TSPAN18: variants seen among roughly 807,000 people sequenced by gnomAD.
TSPAN18 encodes tetraspanin-18.
In TSPAN18, 14 loss-of-function variants were observed where a neutral mutation model predicts 27.3. The ratio of observed to expected loss-of-function variants is 0.51; its 90% CI spans 0.34 to 0.80. The LOEUF (loss-of-function observed/expected upper bound fraction) is 0.80, where lower values mean the gene tolerates loss of function less well. TSPAN18 is among the 30% of genes least tolerant of loss of function. The probability of loss-of-function intolerance (pLI) is 0.01; values close to 1 mark genes in which losing one functional copy is unlikely to be tolerated. For missense variants in TSPAN18, 268 were observed against 323.9 expected (o/e 0.83, Z 1.32); for synonymous variants, 143 against 136.5 (o/e 1.05, Z -0.33).
At chr11:44,753,772 T>C (rs1185177930) in intron 1 of TSPAN18, among the ~76,000 whole-genome samples, 1 of 152,214 alleles carries the variant, frequency 6.6e-6, no homozygotes, top group African/African-American at 2.4e-5. Flanking sequence ...GGATGAGCTG[T>C]GCTGTTAGGG....
At chr11:44,831,344 A>G (rs975535324) in intron 2 of TSPAN18, among the ~76,000 whole-genome samples, 1 of 152,204 alleles carries the variant, frequency 6.6e-6, no homozygotes. Flanking sequence ...GCTCGGAGCT[A>G]CAGAGTCAGA....
At chr11:44,741,733 C>T (rs940820946) in intron 1 of TSPAN18, among the ~76,000 whole-genome samples, 2 of 152,146 alleles carry the variant, frequency 1.3e-5, no homozygotes, top group Non-Finnish European at 2.9e-5. Context: ...GGGTCGGTCC[C>T]TACCAGCCAC....
chr11:44,894,599 A>G (rs1296133955), intron 3 of TSPAN18, among the ~76,000 whole-genome samples: 1 of 152,160 alleles, frequency 6.6e-6, no homozygotes, highest in Non-Finnish European at 1.5e-5. Flanking sequence ...GAGGGGCGAG[A>G]TTAATAAAGC....
intron 2 of TSPAN18, among the ~76,000 whole-genome samples, chr11:44,814,111 G>T (rs1856774091): frequency 6.6e-6 from 1 of 152,184 alleles, no homozygotes; most frequent in African/African-American, 2.4e-5. Context: ...CTCATTGTTT[G>T]TGGCATCTCT....
chr11:44,757,462 C>A (rs558999939), intron 1 of TSPAN18, among the ~76,000 whole-genome samples: 1 of 152,118 alleles, frequency 6.6e-6, no homozygotes, highest in South Asian at 2.1e-4. Flanking sequence ...TGGCTCACTG[C>A]AGCCTCTTTC....
chr11:44,877,094 G>C (rs1016576779), intron 3 of TSPAN18, among the ~76,000 whole-genome samples: 1 of 152,226 alleles, frequency 6.6e-6, no homozygotes. Flanking sequence ...CTGTGGGAAG[G>C]GCCATGCACT....
intron 2 of TSPAN18, among the ~76,000 whole-genome samples, chr11:44,816,300 A>T (rs1044636895): frequency 6.6e-6 from 1 of 152,240 alleles, no homozygotes; most frequent in Non-Finnish European, 1.5e-5. Flanking sequence ...CATGTGTGCC[A>T]CACATTTGCC....
chr11:44,791,454 C>T (rs757285198), intron 2 of TSPAN18, among the ~76,000 whole-genome samples: 4 of 152,202 alleles, frequency 2.6e-5, no homozygotes, highest in Non-Finnish European at 4.4e-5. Context: ...ATCTGTCCCC[C>T]GACATGTGAA....
At position 44,919,316 on chromosome 11, in the gene TSPAN18, A is replaced by C; in HGVS notation, c.432+4A>C. 1 of 1,612,302 alleles carries C rather than the reference A, an allele frequency of 6.2e-7. No individual in the cohort carries two copies. Among genetic ancestry groups the C allele is most frequent in the Non-Finnish European group, 8.5e-7 (1 of 1,178,454 alleles). On this transcript the variant is annotated splice_donor_region_variant and intron_variant, in intron 7 of 9. Transcript: ENST00000520358. ...CTGGAACTCGGTCATGATCACAGTG[A>C]GTGACGCCCCAGAGATGCTATGAAC...
chr11:44,910,929 T>C (rs1414896057), intron 5 of TSPAN18, among the ~76,000 whole-genome samples: 1 of 152,194 alleles, frequency 6.6e-6, no homozygotes, highest in Non-Finnish European at 1.5e-5. Context: ...CATGTCTTCT[T>C]GTTAAACGAG....
At chr11:44,756,807 T>C (rs1941433896) in intron 1 of TSPAN18, among the ~76,000 whole-genome samples, 1 of 152,066 alleles carries the variant, frequency 6.6e-6, no homozygotes, top group East Asian at 1.9e-4. Context: ...TGCTTATCCA[T>C]TCATCTGTTG....
At position 44,726,972 on chromosome 11, in the gene TSPAN18, G is replaced by T. The variant is rs1309041599; in HGVS notation, c.-555G>T. 3 of 146,928 alleles carry T rather than the reference G, an allele frequency of 2.0e-5. No homozygotes were observed. The highest frequency in any genetic ancestry group is 1.9e-4 in the South Asian group (1 of 5,222). 9.1% of individuals were successfully genotyped at this position (146,928 alleles called of 1,614,324 possible). A position where few individuals can be genotyped will look rare whatever the true frequency, so the allele number is the denominator to read the frequency against. ...GGCTGGCGGGCGTGCAGCTGCCGCC[G>T]GCGTCGCGGGGCTCCAGGCTGCGGG... On this transcript the variant is annotated 5_prime_UTR_variant, in exon 1 of 10. Coordinates refer to ENST00000520358, the MANE Select transcript of TSPAN18 (RefSeq NM_130783.5).
chr11:44,903,784 C>T (rs1329162501), intron 3 of TSPAN18: 1 of 445,218 alleles, frequency 2.2e-6, no homozygotes, highest in Non-Finnish European at 4.5e-6. Flanking sequence ...ACACACCATC[C>T]TTTGTCCTTC....
At chr11:44,834,477 A>AT (rs146713102) in intron 2 of TSPAN18, among the ~76,000 whole-genome samples, 5 of 151,550 alleles carry the variant, frequency 3.3e-5, no homozygotes, top group African/African-American at 4.8e-5. Flanking sequence ...TGATGAATCT[A>AT]TTTTTTTTTC....
intron 5 of TSPAN18, among the ~76,000 whole-genome samples, chr11:44,913,181 G>T (rs925133701): frequency 6.6e-6 from 1 of 152,164 alleles, no homozygotes; most frequent in Non-Finnish European, 1.5e-5. Context: ...TGTCTTGAGA[G>T]GGGCCAAAAG....
At chr11:44,754,211 A>G (rs1433491518) in intron 1 of TSPAN18, among the ~76,000 whole-genome samples, 2 of 152,190 alleles carry the variant, frequency 1.3e-5, no homozygotes, top group Non-Finnish European at 2.9e-5. Context: ...CATTACAAAG[A>G]GTTGGGGTGC....
rs565068638 is a variant in TSPAN18 at position 44,834,144 on chromosome 11, CT to C, written c.-152-26175del. ...AGCAAAGAAGGGGCTTTTTAGGATTCTTTTTTTTTCCTTTCAAATGGACCCT... is the reference window on the plus strand; with the variant it reads ...AGCAAAGAAGGGGCTTTTTAGGATTCTTTTTTTTCCTTTCAAATGGACCCT... On this transcript the variant is annotated intron_variant, in intron 2 of 9. Transcript: ENST00000520358. Among the ~76,000 whole-genome samples, 1,269 of 151,170 alleles carry C rather than the reference CT, an allele frequency of 8.4e-3. 20 individuals are homozygous for C. Among genetic ancestry groups the C allele is most frequent in the African/African-American group, 0.029 (1,177 of 41,182 alleles).
At chr11:44,912,140 G>GC (rs1044105644) in intron 5 of TSPAN18, among the ~76,000 whole-genome samples, 3 of 151,746 alleles carry the variant, frequency 2.0e-5, no homozygotes, top group Non-Finnish European at 4.4e-5. Flanking sequence ...TCCCACCTCA[G>GC]CCCCCCGAGT....
intron 2 of TSPAN18, among the ~76,000 whole-genome samples, chr11:44,793,701 A>AC (rs1399340772): frequency 6.6e-6 from 1 of 151,986 alleles, no homozygotes; most frequent in Non-Finnish European, 1.5e-5. Context: ...GCACTGGGCG[A>AC]CCCCAAGGCC....
Sources: allele counts gnomAD v4.1 joint callset (sites outside exome capture counted in the v4.1 genomes callset), GRCh38; gene constraint gnomAD v4.1.1; transcripts MANE v1.5; gene names NCBI Gene and HGNC (gene_info 2026-07-23, HGNC 2026-07-21).